The following NCKAP5 variants were observed in gnomAD, a reference collection of about 807,000 sequenced individuals.
NCKAP5 encodes the protein NCK associated protein 5, also known as nck-associated protein 5.
A neutral mutation model predicts 167.0 loss-of-function variants in NCKAP5; 92 were observed. The ratio of observed to expected loss-of-function variants is 0.55; its 90% CI spans 0.47 to 0.66. The LOEUF (loss-of-function observed/expected upper bound fraction) is 0.66. Among genes scored for constraint, NCKAP5 ranks in the 30% least tolerant of loss-of-function variants. The pLI, the probability that NCKAP5 is intolerant of heterozygous loss-of-function variation, is 0.00. For synonymous variants in NCKAP5, 891 were observed against 877.4 expected, an observed-to-expected ratio of 1.02 and a Z score of -0.27; for missense variants, 2,378 against 2,315.0, an observed-to-expected ratio of 1.03 and a Z score of -0.56.
chr2:133,568,840 G>C (rs1007691993), upstream of NCKAP5, among the ~76,000 whole-genome samples: 2 of 152,060 alleles, frequency 1.3e-5, no homozygotes, highest in African/African-American at 4.8e-5. Flanking sequence ...ATGAATACTG[G>C]TTGTGTCTTA....
At chr2:133,569,096 C>T (rs9653192), upstream of NCKAP5, among the ~76,000 whole-genome samples, 31,827 of 152,028 alleles carry the variant, frequency 0.21, 3,455 homozygotes, top group East Asian at 0.35. Flanking sequence ...GCACCACCCC[C>T]GACACTCCAA....
intron 11 of NCKAP5, among the ~76,000 whole-genome samples, chr2:132,846,009 C>A (rs1271230314): frequency 1.3e-5 from 2 of 151,928 alleles, no homozygotes; most frequent in Non-Finnish European, 2.9e-5. Context: ...AGGTTTATTG[C>A]TATGTAGTTC....
At chr2:132,900,256 C>CA in intron 8 of NCKAP5, among the ~76,000 whole-genome samples, 1 of 152,288 alleles carries the variant, frequency 6.6e-6, no homozygotes, top group East Asian at 1.9e-4. Context: ...AAAGTGAGCA[C>CA]ATGCTATTGG....
At chr2:133,025,255 T>G (rs1431712370) in intron 6 of NCKAP5, among the ~76,000 whole-genome samples, 1 of 152,202 alleles carries the variant, frequency 6.6e-6, no homozygotes, top group Non-Finnish European at 1.5e-5. Context: ...TGATTTCCAG[T>G]ACCTAGATCT....
chr2:133,526,255 G>A (rs1225854071), intron 2 of NCKAP5, among the ~76,000 whole-genome samples: 1 of 65,544 alleles, frequency 1.5e-5, no homozygotes, highest in Admixed American at 1.8e-4. Context: ...GAAGGAGGGA[G>A]GGAGGGAAGG....
chr2:133,517,450 G>T lies in NCKAP5; in HGVS notation c.69+8C>A. On this transcript the variant is annotated splice_region_variant and intron_variant, in intron 3 of 19. Transcript: ENST00000409261. ...ATATAGAGTGGTAAATGAATATTTA[G>T]TACTTACCACAAGACTGCTGTCTAG... is the stretch of plus-strand genomic sequence containing the variant. 1 of 1,459,988 alleles carries T rather than the reference G, an allele frequency of 6.8e-7. No individual in the cohort carries two copies. Among genetic ancestry groups the T allele is most frequent in the Non-Finnish European group, 9.2e-7 (1 of 1,090,178 alleles). The allele number at this position is 1,459,988 out of a possible 1,614,324, so 90.4% of individuals were successfully genotyped here.
chr2:133,412,103 T>C (rs1688810777), intron 3 of NCKAP5, among the ~76,000 whole-genome samples: 1 of 152,196 alleles, frequency 6.6e-6, no homozygotes, highest in South Asian at 2.1e-4. Flanking sequence ...CCGGATTTTA[T>C]ATGTTGAAAT....
intron 4 of NCKAP5, among the ~76,000 whole-genome samples, chr2:133,286,885 G>T (rs1308920079): frequency 2.0e-5 from 3 of 152,196 alleles, no homozygotes; most frequent in Admixed American, 2.0e-4. Context: ...TATAAGTGGA[G>T]CTACTGATGA....
At chr2:133,394,321 G>A (rs1178358946) in intron 3 of NCKAP5, among the ~76,000 whole-genome samples, 1 of 152,144 alleles carries the variant, frequency 6.6e-6, no homozygotes, top group Non-Finnish European at 1.5e-5. Context: ...GAGTATGGTA[G>A]GCCAAATGCA....
rs2080498826 is a variant in NCKAP5, at chr2:133,073,657, A to G, written c.341+56321T>C. 2.6e-5 allele frequency among the ~76,000 whole-genome samples: 4 copies of G among 152,322 alleles called. No homozygotes were observed. In the South Asian group the frequency reaches 8.3e-4, roughly 32 times the overall value. ...ATTAGAGGACTTTAACAGAACCCAA[A>G]GTCTCTCAATGAAAGACCCAGGATA... On this transcript the variant is annotated intron_variant, in intron 6 of 19. Transcript: ENST00000409261.
At chr2:133,274,999 G>A (rs1363899357) in intron 4 of NCKAP5, among the ~76,000 whole-genome samples, 1 of 150,906 alleles carries the variant, frequency 6.6e-6, no homozygotes, top group Non-Finnish European at 1.5e-5. Flanking sequence ...TCAAGGCATA[G>A]ACTAGAAGAA....
chr2:132,828,205 T>C (rs1232294080), intron 11 of NCKAP5, among the ~76,000 whole-genome samples: 2 of 152,146 alleles, frequency 1.3e-5, no homozygotes, highest in East Asian at 1.9e-4. Flanking sequence ...CTATTGTTCA[T>C]AAATGGTCCA....
the NCKAP5 span, among the ~76,000 whole-genome samples, chr2:133,639,677 T>G: frequency 6.6e-6 from 1 of 152,118 alleles, no homozygotes; most frequent in Non-Finnish European, 1.5e-5. Context: ...GAAACCCTTT[T>G]GTAGGAGACC....
At chr2:133,508,280 T>A (rs7340446) in intron 3 of NCKAP5, among the ~76,000 whole-genome samples, 17,045 of 152,136 alleles carry the variant, frequency 0.11, 1,883 homozygotes, top group African/African-American at 0.29. Context: ...ACACCATAGA[T>A]TAAATTTGGA....
At chr2:133,654,324 G>C in the NCKAP5 span, among the ~76,000 whole-genome samples, 208 of 152,098 alleles carry the variant, frequency 1.4e-3, 1 homozygote, top group African/African-American at 4.7e-3. Flanking sequence ...ATTGCAGTGA[G>C]CCAAGATCGC....
At chr2:133,615,577 G>C in the NCKAP5 span, among the ~76,000 whole-genome samples, 12 of 152,144 alleles carry the variant, frequency 7.9e-5, no homozygotes, top group African/African-American at 2.9e-4. Flanking sequence ...ATGGTAAACA[G>C]AGCAATTCAA....
At chr2:133,372,506 T>C (rs1685869673) in intron 3 of NCKAP5, among the ~76,000 whole-genome samples, 1 of 152,230 alleles carries the variant, frequency 6.6e-6, no homozygotes, top group South Asian at 2.1e-4. Context: ...TCTTTTTCCT[T>C]TGTCCACTGG....
At chr2:133,531,301 TTAA>T (rs879327621) in intron 2 of NCKAP5, among the ~76,000 whole-genome samples, 2 of 152,178 alleles carry the variant, frequency 1.3e-5, no homozygotes, top group Admixed American at 6.5e-5. Context: ...ATTTATTGAA[TTAA>T]TAAGCTAATT....
the NCKAP5 span, among the ~76,000 whole-genome samples, chr2:133,616,367 G>T: frequency 6.6e-6 from 1 of 152,062 alleles, no homozygotes. Flanking sequence ...CCAGGAGCTG[G>T]TTTTTTGAAA....
Sources: allele counts gnomAD v4.1 joint callset (sites outside exome capture counted in the v4.1 genomes callset), GRCh38; gene constraint gnomAD v4.1.1; transcripts MANE v1.5; gene names NCBI Gene and HGNC (gene_info 2026-07-23, HGNC 2026-07-21).